Variants in ETV6 observed in about 807,000 individuals in gnomAD.
ETV6 encodes ETS variant transcription factor 6.
ETV6 carries 16 observed loss-of-function variants against 51.1 expected under a neutral mutation model. The observed-to-expected ratio is 0.31, with a 90% confidence interval of 0.21 to 0.48. The LOEUF is 0.48. Ranked by LOEUF, ETV6 falls within the 20% of genes least tolerant of loss-of-function variation. The probability of loss-of-function intolerance (pLI) is 0.99; values close to 1 mark genes in which losing one functional copy is unlikely to be tolerated. For synonymous variants in ETV6, 240 were observed against 224.1 expected (o/e 1.07, Z -0.64); for missense variants, 458 against 594.8 (o/e 0.77, Z 2.39).
chr12:11,716,011 G>A (rs550347327), intron 1 of ETV6, among the ~76,000 whole-genome samples: 2 of 152,328 alleles, frequency 1.3e-5, no homozygotes, highest in African/African-American at 4.8e-5. Flanking sequence ...GGAACACTCT[G>A]GATCTGATAC....
chr12:11,782,864 AT>A (rs1945431679), intron 2 of ETV6, among the ~76,000 whole-genome samples: 1 of 152,220 alleles, frequency 6.6e-6, no homozygotes, highest in African/African-American at 2.4e-5. Context: ...TGGGAGGTAT[AT>A]GTATTATAAG....
chr12:11,853,775 C>T (rs142261755), intron 4 of ETV6, among the ~76,000 whole-genome samples: 93 of 152,298 alleles, frequency 6.1e-4, no homozygotes, highest in Middle Eastern at 3.4e-3. Flanking sequence ...AGCACAGAAG[C>T]GTAACCATAT....
At chr12:11,832,732 C>T (rs1565543617) in intron 2 of ETV6, among the ~76,000 whole-genome samples, 2 of 152,186 alleles carry the variant, frequency 1.3e-5, no homozygotes, top group Admixed American at 6.5e-5. Context: ...ATCAGGAAGG[C>T]GTTTCGTTGA....
chr12:11,695,091 T>A (rs1162105292), intron 1 of ETV6, among the ~76,000 whole-genome samples: 1 of 152,212 alleles, frequency 6.6e-6, no homozygotes, highest in African/African-American at 2.4e-5. Flanking sequence ...TTTTCGTGCA[T>A]GTGAGACTCA....
intron 1 of ETV6, among the ~76,000 whole-genome samples, chr12:11,720,884 A>G (rs1267283679): frequency 6.6e-6 from 1 of 152,216 alleles, no homozygotes; most frequent in Non-Finnish European, 1.5e-5. Flanking sequence ...CAAAAAAACA[A>G]TAACTCCATT....
chr12:11,785,013 T>C (rs1037647390), intron 2 of ETV6, among the ~76,000 whole-genome samples: 3 of 151,924 alleles, frequency 2.0e-5, no homozygotes, highest in Non-Finnish European at 2.9e-5. Context: ...GGCCGGGACT[T>C]TGGCTTGTAT....
chr12:11,792,861 T>C (rs1462528809), intron 2 of ETV6, among the ~76,000 whole-genome samples: 1 of 152,164 alleles, frequency 6.6e-6, no homozygotes, highest in Non-Finnish European at 1.5e-5. Flanking sequence ...ACCCAGAAGG[T>C]TCTAAATGGT....
At chr12:11,886,096 G>A (rs1476910498) in intron 7 of ETV6, 70 bp downstream of exon 7, 9 of 1,133,122 alleles carry the variant, frequency 7.9e-6, no homozygotes, top group South Asian at 6.3e-5. Flanking sequence ...GGGGAGTGGG[G>A]GGAGACTGTT....
intron 2 of ETV6, among the ~76,000 whole-genome samples, chr12:11,753,896 A>T (rs141159536): frequency 1.6e-3 from 251 of 152,308 alleles, no homozygotes; most frequent in Non-Finnish European, 2.9e-3. Flanking sequence ...TTGGGCAGGG[A>T]AGTAAAGGAC....
chr12:11,871,802 TA>T (rs1284598067), intron 5 of ETV6, among the ~76,000 whole-genome samples: 1 of 152,170 alleles, frequency 6.6e-6, no homozygotes, highest in Non-Finnish European at 1.5e-5. Flanking sequence ...GCATGGGGGT[TA>T]ATATTATTGA....
At chr12:11,740,326 C>A (rs1436320787) in intron 1 of ETV6, among the ~76,000 whole-genome samples, 1 of 152,170 alleles carries the variant, frequency 6.6e-6, no homozygotes, top group Non-Finnish European at 1.5e-5. Context: ...TTTTCAGAGT[C>A]CCTCCTTCAA....
intron 2 of ETV6, among the ~76,000 whole-genome samples, chr12:11,757,427 CA>C (rs5796460): frequency 0.11 from 16,507 of 150,662 alleles, 1,280 homozygotes; most frequent in East Asian, 0.3. Flanking sequence ...TGTTTGTTCC[CA>C]AAAAAAAAGA....
intron 1 of ETV6, among the ~76,000 whole-genome samples, chr12:11,669,576 G>A (rs1042549986): frequency 4.0e-5 from 6 of 151,844 alleles, no homozygotes; most frequent in Middle Eastern, 3.4e-3. Flanking sequence ...CTCCTGTGGC[G>A]CAGTACTTCC....
At chr12:11,767,500 A>T (rs1473201753) in intron 2 of ETV6, among the ~76,000 whole-genome samples, 1 of 152,234 alleles carries the variant, frequency 6.6e-6, no homozygotes, top group Non-Finnish European at 1.5e-5. Context: ...GGAAAGTTTC[A>T]GGTGGCCGCA....
In ETV6 at chr12:11,650,504, A is replaced by AAAAAAAAAAAAAAAAAAC. The variant is rs1555109540; in HGVS notation, c.33+355_33+356insAAAAAACAAAAAAAAAAA. 2.5e-4 allele frequency among the ~76,000 whole-genome samples: 24 copies of AAAAAAAAAAAAAAAAAAC among 94,228 alleles called. 2 individuals carry two copies. Among genetic ancestry groups the AAAAAAAAAAAAAAAAAAC allele is most frequent in the Admixed American group, 5.5e-4 (4 of 7,296 alleles). 61.8% of individuals were successfully genotyped at this position (94,228 alleles called of 152,430 possible). On this transcript the variant is annotated intron_variant, in intron 1 of 7. Coordinates refer to ENST00000396373, the MANE Select transcript of ETV6 (RefSeq NM_001987.5). ...CTTAAAAAAAAAAAAAACAAAAAAC[A>AAAAAAAAAAAAAAAAAAC]AAAAAAAAAAACCTGCTCCCTATTC...
At chr12:11,773,985 G>C (rs1010654902) in intron 2 of ETV6, among the ~76,000 whole-genome samples, 1 of 152,206 alleles carries the variant, frequency 6.6e-6, no homozygotes, top group African/African-American at 2.4e-5. Context: ...AAGAGAGAGA[G>C]AGTGAAGCGG....
chr12:11,728,468 T>A (rs1185521166), intron 1 of ETV6, among the ~76,000 whole-genome samples: 1 of 136,928 alleles, frequency 7.3e-6, no homozygotes. Flanking sequence ...CTGTTGTGAA[T>A]GACACATGTG....
At chr12:11,872,278 C>T (rs1021522452) in intron 5 of ETV6, among the ~76,000 whole-genome samples, 3 of 152,140 alleles carry the variant, frequency 2.0e-5, no homozygotes, top group East Asian at 1.9e-4. Context: ...CCTTGCTGCC[C>T]GTGGCTGCTG....
intron 2 of ETV6, among the ~76,000 whole-genome samples, chr12:11,776,015 C>T (rs1565521642): frequency 1.3e-5 from 2 of 152,226 alleles, no homozygotes; most frequent in Admixed American, 6.5e-5. Context: ...TGCCAGGCAT[C>T]AAGCCTGCTA....
Sources: allele counts gnomAD v4.1 joint callset (sites outside exome capture counted in the v4.1 genomes callset), GRCh38; gene constraint gnomAD v4.1.1; transcripts MANE v1.5; gene names NCBI Gene and HGNC (gene_info 2026-07-23, HGNC 2026-07-21).